PDZD4: variants seen among roughly 807,000 people sequenced by gnomAD.
PDZD4 encodes PDZ domain-containing protein 4.
In PDZD4, 9 loss-of-function variants were observed where a neutral mutation model predicts 38.5. The observed-to-expected ratio is 0.23, with a 90% CI of 0.14 to 0.41. PDZD4 has a LOEUF of 0.41. Ranked by LOEUF, PDZD4 falls within the 10% of genes least tolerant of loss-of-function variation. PDZD4 has a pLI of 1.00. For missense variants in PDZD4, 612 were observed against 722.0 expected (o/e 0.85, Z 1.75); for synonymous variants, 349 against 315.7 (o/e 1.11, Z -1.12).
rs1423284674 is a variant in PDZD4 at position 153,807,757 on chromosome X, A to T, written c.315-388T>A. On this transcript the variant is annotated intron_variant, in intron 2 of 7. Coordinates refer to ENST00000393758, the MANE Select transcript of PDZD4 (RefSeq NM_001303512.2). ...CCAGGAGTTATCCAGGCCCTGGAGG[A>T]CTTCTGCAGAGCAGAGGGGGGCCCA... The T allele has an allele frequency of 1.4e-5, 11 of 764,781 alleles. No homozygotes were observed. The African/African-American group carries it at 2.9e-4, about 20-fold the overall frequency. 63.0% of individuals were successfully genotyped at this position (764,781 alleles called of 1,213,427 possible).
intron 1 of PDZD4, among the ~76,000 whole-genome samples, chrX:153,809,875 A>G (rs1411969436): frequency 8.9e-6 from 1 of 112,834 alleles, no homozygotes; most frequent in Non-Finnish European, 1.9e-5. Context: ...GCTCTGCGGG[A>G]TGCTGTAGGG....
At chrX:153,808,641 C>T in intron 1 of PDZD4, 46 bp from the exon 2 acceptor site, 1 of 1,108,818 alleles carries the variant, frequency 9.0e-7, no homozygotes, top group Non-Finnish European at 1.2e-6. Context: ...AGGCTTGCTC[C>T]TCCCCTCTGA....
At chrX:153,820,636 T>G (rs892532500) in intron 1 of PDZD4, among the ~76,000 whole-genome samples, 1 of 112,049 alleles carries the variant, frequency 8.9e-6, no homozygotes, top group Non-Finnish European at 1.9e-5. Context: ...AAAATATATA[T>G]ATTTTTTACT....
At chrX:153,822,529 C>A (rs1557081570) in intron 1 of PDZD4, among the ~76,000 whole-genome samples, 5 of 112,111 alleles carry the variant, frequency 4.5e-5, no homozygotes, top group Non-Finnish European at 9.4e-5. Flanking sequence ...TCTTGTCCAG[C>A]CCCAGGCTGC....
In PDZD4 at chrX:153,830,265, C is replaced by G; in HGVS notation, c.34G>C (p.Glu12Gln). The part of the protein sequence containing the change: ...GCNMCVVQKP[E>Q]EQYKVMLQVN... ...TGCAGCATCACTTTGTACTGCTCCT[C>G]CGGTTTCTGGACCACGCACATATTA... The change falls in exon 1 of 8, where the codon GAG (glutamate) becomes CAG (glutamine). Residue 12 changes from glutamate (E) to glutamine (Q), a missense_variant. Coordinates refer to ENST00000393758, the MANE Select transcript of PDZD4 (RefSeq NM_001303512.2). The G allele has an allele frequency of 8.3e-7, 1 of 1,204,466 alleles. No homozygotes were observed. The highest frequency in any genetic ancestry group is 1.8e-5 in the South Asian group (1 of 56,266).
chrX:153,828,042 C>A (rs1482445098), intron 1 of PDZD4, among the ~76,000 whole-genome samples: 1 of 111,527 alleles, frequency 9.0e-6, no homozygotes, highest in Non-Finnish European at 1.9e-5. Flanking sequence ...TGAAGTGCCT[C>A]ACCCTGACAA....
Position 153,803,765 on chromosome X carries a change from G to C in PDZD4, c.1916C>G (p.Thr639Ser), listed in dbSNP as rs1422529440. 13 of 1,207,650 alleles carry C rather than the reference G, an allele frequency of 1.1e-5. No individual in the cohort carries two copies. Among genetic ancestry groups the C allele is most frequent in the Non-Finnish European group, 1.5e-5 (13 of 895,250 alleles). Residue 639 changes from threonine (T) to serine (S), a missense_variant, in exon 8 of 8, where the codon ACC becomes AGC. Thr to Ser is a moderately conservative substitution (Grantham distance 58). Transcript: ENST00000393758. Reference protein sequence around the residue: ...EWKVKVRSDGTRYVAKRPVRD... With the variant: ...EWKVKVRSDGSRYVAKRPVRD... ...CACGGGCCGCTTGGCCACGTAGCGG[G>C]TTCCGTCGCTGCGCACCTTCACTTT...
chrX:153,818,994 G>C (rs2064391551), intron 1 of PDZD4, among the ~76,000 whole-genome samples: 1 of 112,617 alleles, frequency 8.9e-6, no homozygotes, highest in African/African-American at 3.2e-5. Flanking sequence ...CGCTGGGCAA[G>C]GGACTGGCGG....
At chrX:153,817,237 G>A (rs1254863921) in intron 1 of PDZD4, among the ~76,000 whole-genome samples, 2 of 111,727 alleles carry the variant, frequency 1.8e-5, no homozygotes, top group African/African-American at 6.5e-5. Flanking sequence ...AATCCCCAAA[G>A]AACTGAGAAC....
Position 153,804,589 on chromosome X carries a change from A to C in PDZD4, c.1092T>G (p.Arg364=), listed in dbSNP as rs1242263031. ...GGTGGCACTTGATCTCCAGGAGCTC[A>C]CGGTAGCGCTCATACTCCTCATCCG... ...GLTDEEYERY[R]ELLEIKCHLE... is the part of the protein sequence containing the mutation. The change falls in exon 8 of 8, where the codon CGT becomes CGG. Residue 364 remains arginine, a synonymous_variant. Transcript: ENST00000393758. 1 of 1,207,809 alleles carries C rather than the reference A, an allele frequency of 8.3e-7. No individual in the cohort carries two copies. Among genetic ancestry groups the C allele is most frequent in the Non-Finnish European group, 1.1e-6 (1 of 895,017 alleles).
intron 1 of PDZD4, among the ~76,000 whole-genome samples, chrX:153,814,473 A>ACCCCCC (rs782572040): frequency 2.9e-3 from 118 of 40,259 alleles, no homozygotes; most frequent in East Asian, 4.5e-3. Flanking sequence ...GACTCCATCC[A>ACCCCCC]CCCCCCACCC....
chrX:153,815,645 G>A (rs782357396), intron 1 of PDZD4, among the ~76,000 whole-genome samples: 4 of 111,851 alleles, frequency 3.6e-5, no homozygotes, highest in Non-Finnish European at 5.7e-5. Flanking sequence ...GCTCCAGGTC[G>A]GGGAGGGGAC....
rs782812492 is a variant in PDZD4 at position 153,803,666 on chromosome X, GCGTCGTCGTCGGT to G, written c.2002_2014del (p.Thr668ArgfsTer2). The G allele has an allele frequency of 8.3e-7, 1 of 1,209,239 alleles. No individual in the cohort carries two copies. The highest frequency in any genetic ancestry group is 1.1e-6 in the Non-Finnish European group (1 of 895,385). ...GCGGCCCATCTTCATCTCGCTCACC[GCGTCGTCGTCGGT>G]CGTCATACCGCTGCGCTCCTCCCGG... On this transcript the variant is annotated frameshift_variant, in exon 8 of 8. Coordinates refer to ENST00000393758, the MANE Select transcript of PDZD4 (RefSeq NM_001303512.2). LOFTEE classifies it high-confidence loss of function.
chrX:153,806,917 CCAGCCCCTCAGCCCG>C, intron 3 of PDZD4, 77 bp from the exon 4 acceptor site: 2 of 896,469 alleles, frequency 2.2e-6, no homozygotes, highest in East Asian at 6.4e-5. Context: ...GCAGCACAGC[CCAGCCCCTCAGCCCG>C]CAACCCCTCA....
intron 1 of PDZD4, among the ~76,000 whole-genome samples, chrX:153,813,002 T>C (rs896576380): frequency 9.1e-6 from 1 of 110,029 alleles, no homozygotes; most frequent in African/African-American, 3.3e-5. Context: ...TTCCACACCC[T>C]GGGAGCTCGC....
chrX:153,807,442 C>T (rs1164907774), intron 2 of PDZD4, 73 bp from the exon 3 acceptor site: 15 of 1,016,071 alleles, frequency 1.5e-5, no homozygotes, highest in African/African-American at 5.6e-5. Context: ...CCAGGCAGGC[C>T]GATCCCAGCG....
chrX:153,821,459 T>TAA (rs112090088), intron 1 of PDZD4, among the ~76,000 whole-genome samples: 1 of 98,111 alleles, frequency 1.0e-5, no homozygotes, highest in African/African-American at 3.7e-5. Context: ...CCTCTATTTG[T>TAA]AAAAAAAAAA....
intron 1 of PDZD4, among the ~76,000 whole-genome samples, chrX:153,812,266 C>T (rs1557078895): frequency 9.4e-6 from 1 of 105,993 alleles, no homozygotes; most frequent in African/African-American, 3.5e-5. Flanking sequence ...CTTACCACTG[C>T]CCTTGAGGAG....
chrX:153,822,205 A>AC (rs1454890838), intron 1 of PDZD4, among the ~76,000 whole-genome samples: 3 of 102,088 alleles, frequency 2.9e-5, no homozygotes, highest in African/African-American at 1.0e-4. Context: ...AAAAAAAAAA[A>AC]ACACACAGGA....
Sources: gnomAD v4.1 joint callset for allele counts (sites outside exome capture counted in the v4.1 genomes callset) on GRCh38, gnomAD v4.1.1 for gene constraint, MANE v1.5 for transcripts, NCBI Gene and HGNC (gene_info 2026-07-23, HGNC 2026-07-21) for gene names.